The following MOB4 variants were observed in gnomAD, a reference collection of about 807,000 sequenced individuals.
MOB4 encodes the protein MOB-like protein phocein.
In MOB4, 4 loss-of-function variants were observed where a neutral mutation model predicts 32.2. The ratio of observed to expected loss-of-function variants is 0.12; its 90% CI spans 0.06 to 0.28. The LOEUF (loss-of-function observed/expected upper bound fraction) is 0.28, where lower values mean the gene tolerates loss of function less well. MOB4 is among the 10% of genes least tolerant of loss of function. MOB4 has a pLI of 1.00. For synonymous variants in MOB4, 88 were observed against 88.1 expected (o/e 1.00, Z 0.01); for missense variants, 158 against 271.2 (o/e 0.58, Z 2.93).
intron 1 of MOB4, among the ~76,000 whole-genome samples, chr2:197,518,993 C>T (rs982997005): frequency 1.3e-5 from 2 of 151,880 alleles, no homozygotes; most frequent in African/African-American, 2.4e-5. Context: ...CTCCTGATCT[C>T]GTGATCCGCC....
intron 6 of MOB4, among the ~76,000 whole-genome samples, chr2:197,549,838 AC>A (rs1297274587): frequency 6.7e-6 from 1 of 149,528 alleles, no homozygotes; most frequent in Non-Finnish European, 1.5e-5. Flanking sequence ...GGCGTGAGCC[AC>A]CACACCTGGC....
At chr2:197,531,735 G>T (rs767916194) in intron 2 of MOB4, among the ~76,000 whole-genome samples, 1 of 151,628 alleles carries the variant, frequency 6.6e-6, no homozygotes, top group Non-Finnish European at 1.5e-5. Flanking sequence ...ATTAGAGATG[G>T]GGTTTTACCC....
At chr2:197,525,751 A>T (rs1285020205) in intron 2 of MOB4, among the ~76,000 whole-genome samples, 1 of 152,136 alleles carries the variant, frequency 6.6e-6, no homozygotes, top group Non-Finnish European at 1.5e-5. Context: ...TCAATCAGCA[A>T]ATATTTATTG....
At chr2:197,538,016 G>A (rs1260951290) in intron 3 of MOB4, among the ~76,000 whole-genome samples, 2 of 152,112 alleles carry the variant, frequency 1.3e-5, no homozygotes, top group African/African-American at 4.8e-5. Context: ...CTGACCTCAC[G>A]ATCTGCCCAC....
chr2:197,516,227 G>C lies in MOB4; in HGVS notation c.60+81G>C, dbSNP rs961724245. ...CGGAAGCTGGCCGCCACTGCGGGGA[G>C]GTTGGGCCGAGGCGGCAGGCGGGCG... On this transcript the variant is annotated intron_variant, in intron 1 of 7. Transcript: ENST00000323303. 2.2e-4 allele frequency: 341 copies of C among 1,530,208 alleles called. 5 individuals are homozygous for C. The East Asian group carries it at 8.6e-3, about 39-fold the overall frequency. The allele number at this position is 1,530,208 out of a possible 1,614,324, so 94.8% of individuals were successfully genotyped here.
chr2:197,522,970 G>A (rs1430806663), intron 1 of MOB4, among the ~76,000 whole-genome samples: 4 of 151,880 alleles, frequency 2.6e-5, no homozygotes, highest in East Asian at 1.9e-4. Flanking sequence ...AGCTGAGATC[G>A]CACCACTGCA....
At chr2:197,517,440 C>T (rs2086434331) in intron 1 of MOB4, among the ~76,000 whole-genome samples, 1 of 152,200 alleles carries the variant, frequency 6.6e-6, no homozygotes, top group Non-Finnish European at 1.5e-5. Context: ...GCTCTTTTCT[C>T]AGATACCTTT....
chr2:197,549,873 A>AC (rs1239818842), intron 6 of MOB4, among the ~76,000 whole-genome samples: 1 of 151,704 alleles, frequency 6.6e-6, no homozygotes, highest in African/African-American at 2.4e-5. Flanking sequence ...AAAAAAAAAA[A>AC]AAAAAAGAAA....
chr2:197,541,648 G>A (rs1017351225), intron 5 of MOB4, among the ~76,000 whole-genome samples: 6 of 152,114 alleles, frequency 3.9e-5, no homozygotes, highest in African/African-American at 7.2e-5. Flanking sequence ...GGCCGGGCGC[G>A]GTGGCTCACG....
chr2:197,529,152 G>GT (rs2086659025), intron 2 of MOB4, among the ~76,000 whole-genome samples: 1 of 151,146 alleles, frequency 6.6e-6, no homozygotes, highest in Non-Finnish European at 1.5e-5. Flanking sequence ...TAATTTTTGT[G>GT]TTTTTAGTAC....
At chr2:197,521,857 AAC>A (rs1021351807) in intron 1 of MOB4, among the ~76,000 whole-genome samples, 2 of 152,192 alleles carry the variant, frequency 1.3e-5, no homozygotes, top group Non-Finnish European at 2.9e-5. Flanking sequence ...ATATTGTTCA[AAC>A]ACACATGCTC....
chr2:197,525,362 G>C (rs1304263351), intron 2 of MOB4, among the ~76,000 whole-genome samples: 1 of 149,802 alleles, frequency 6.7e-6, no homozygotes, highest in Non-Finnish European at 1.5e-5. Context: ...AAAAAAAAAA[G>C]TAGACAGCTA....
At chr2:197,526,297 T>C (rs1433787102) in intron 2 of MOB4, among the ~76,000 whole-genome samples, 1 of 152,100 alleles carries the variant, frequency 6.6e-6, no homozygotes, top group East Asian at 1.9e-4. Flanking sequence ...GAGATGATCA[T>C]GTGTTTCTTT....
At chr2:197,527,055 G>T (rs921969186) in intron 2 of MOB4, among the ~76,000 whole-genome samples, 2 of 152,110 alleles carry the variant, frequency 1.3e-5, no homozygotes, top group Non-Finnish European at 2.9e-5. Flanking sequence ...GGGATTACAG[G>T]CATGAGCCAC....
chr2:197,550,401 C>G lies in MOB4; in HGVS notation c.546+15C>G. On this transcript the variant is annotated intron_variant, in intron 7 of 7. Coordinates refer to ENST00000323303, the MANE Select transcript of MOB4 (RefSeq NM_015387.5). ...ATGAATATGAAGTAAGTATATTTCA[C>G]TGATTATCTTGATGCATTCTTATCA... 1 of 1,610,642 alleles carries G rather than the reference C, an allele frequency of 6.2e-7. No individual in the cohort carries two copies. The highest frequency in any genetic ancestry group is 8.5e-7 in the Non-Finnish European group (1 of 1,178,128).
intron 4 of MOB4, 85 bp from the exon 5 acceptor site, chr2:197,540,266 A>G: frequency 6.8e-7 from 1 of 1,479,244 alleles, no homozygotes; most frequent in Non-Finnish European, 9.0e-7. Flanking sequence ...TTTCTTCTAG[A>G]ATTTATTATG....
intron 1 of MOB4, among the ~76,000 whole-genome samples, chr2:197,522,992 C>T (rs965880901): frequency 2.4e-4 from 37 of 151,552 alleles, no homozygotes; most frequent in Non-Finnish European, 4.3e-4. Context: ...TCCAGCCTGG[C>T]GACAGAGTGG....
At chr2:197,533,615 C>T (rs1466614631) in intron 2 of MOB4, among the ~76,000 whole-genome samples, 1 of 150,656 alleles carries the variant, frequency 6.6e-6, no homozygotes, top group Non-Finnish European at 1.5e-5. Flanking sequence ...TTCCCAGCTA[C>T]TCGGGAGGCT....
At chr2:197,518,887 C>A (rs1574621897) in intron 1 of MOB4, among the ~76,000 whole-genome samples, 1 of 152,254 alleles carries the variant, frequency 6.6e-6, no homozygotes, top group East Asian at 1.9e-4. Context: ...TCCCGAGTAG[C>A]TGGGACTACA....
Sources: gnomAD v4.1 joint callset for allele counts (sites outside exome capture counted in the v4.1 genomes callset) on GRCh38, gnomAD v4.1.1 for gene constraint, MANE v1.5 for transcripts, NCBI Gene and HGNC (gene_info 2026-07-23, HGNC 2026-07-21) for gene names.